Variants in ADK observed in about 807,000 individuals in gnomAD.
The protein encoded by ADK is adenosine kinase.
A neutral mutation model predicts 44.7 loss-of-function variants in ADK; 24 were observed. The observed-to-expected ratio is 0.54, with a 90% confidence interval of 0.39 to 0.76. The LOEUF (loss-of-function observed/expected upper bound fraction) is 0.76. Among genes scored for constraint, ADK ranks in the 30% least tolerant of loss-of-function variants. The pLI is 0.00. For synonymous variants in ADK, 128 were observed against 142.6 expected (o/e 0.90, Z 0.73); for missense variants, 321 against 425.1 (o/e 0.76, Z 2.15).
At chr10:74,574,822 C>G (rs147883841) in intron 7 of ADK, among the ~76,000 whole-genome samples, 1 of 152,196 alleles carries the variant, frequency 6.6e-6, no homozygotes, top group Non-Finnish European at 1.5e-5. Context: ...ACTGTTAATG[C>G]ATATGAGTAG....
intron 7 of ADK, chr10:74,527,750 C>T: frequency 7.0e-6 from 11 of 1,560,968 alleles, no homozygotes; most frequent in Non-Finnish European, 9.7e-6. Flanking sequence ...GTTGTTTCCT[C>T]CACTCCCAGA....
At chr10:74,462,995 C>T (rs567123056) in intron 6 of ADK, among the ~76,000 whole-genome samples, 17 of 152,162 alleles carry the variant, frequency 1.1e-4, no homozygotes, top group African/African-American at 3.9e-4. Context: ...GGAATTCCAA[C>T]ATTGTGATGA....
At chr10:74,411,796 G>A (rs1844186764) in intron 6 of ADK, among the ~76,000 whole-genome samples, 1 of 152,170 alleles carries the variant, frequency 6.6e-6, no homozygotes, top group African/African-American at 2.4e-5. Flanking sequence ...ACCTACAGTA[G>A]AACTTCTTTG....
At chr10:74,254,839 T>G (rs987731699) in intron 3 of ADK, among the ~76,000 whole-genome samples, 2 of 152,230 alleles carry the variant, frequency 1.3e-5, no homozygotes, top group African/African-American at 4.8e-5. Context: ...CCAAGTGTGA[T>G]ACCTTCCTTT....
At chr10:74,352,314 A>G (rs888625816) in intron 4 of ADK, among the ~76,000 whole-genome samples, 4 of 152,228 alleles carry the variant, frequency 2.6e-5, no homozygotes, top group African/African-American at 9.6e-5. Context: ...GACAAAAACA[A>G]GCAATGGGGA....
intron 6 of ADK, among the ~76,000 whole-genome samples, chr10:74,482,292 G>A (rs1472554609): frequency 6.6e-6 from 1 of 152,102 alleles, no homozygotes; most frequent in Admixed American, 6.5e-5. Context: ...TGAGACAAGG[G>A]GGAGACGCTA....
At position 74,606,034 on chromosome 10, in the gene ADK, A is replaced by G. The variant is rs1852312720; in HGVS notation, c.877+5541A>G. Among the ~76,000 whole-genome samples the G allele has an allele frequency of 2.0e-5, 3 of 152,036 alleles. No individual in the cohort carries two copies. In the South Asian group the frequency reaches 6.2e-4, roughly 32 times the overall value. ...GATTTTCTAGTTTATTTGTGTAGAG[A>G]TGTTTATAATATCCACTGATGGTAG... On this transcript the variant is annotated intron_variant, in intron 9 of 10. Transcript: ENST00000539909.
chr10:74,443,061 A>G (rs1293449725), intron 6 of ADK, among the ~76,000 whole-genome samples: 1 of 152,192 alleles, frequency 6.6e-6, no homozygotes, highest in East Asian at 1.9e-4. Context: ...ACTTTTAGTT[A>G]TAGGATGAAT....
chr10:74,553,801 G>A (rs985180756), intron 7 of ADK, among the ~76,000 whole-genome samples: 17 of 152,112 alleles, frequency 1.1e-4, no homozygotes, highest in East Asian at 3.9e-4. Context: ...TCCGTACATC[G>A]TATTTTATGT....
At chr10:74,444,583 G>GGGAGT (rs1390147095) in intron 6 of ADK, among the ~76,000 whole-genome samples, 1 of 151,952 alleles carries the variant, frequency 6.6e-6, no homozygotes, top group African/African-American at 2.4e-5. Flanking sequence ...AAGGGGTTGG[G>GGGAGT]GGAGTATACT....
chr10:74,166,495 T>C (rs1842037432), intron 1 of ADK, among the ~76,000 whole-genome samples: 1 of 152,026 alleles, frequency 6.6e-6, no homozygotes, highest in South Asian at 2.1e-4. Flanking sequence ...AATTTTGGTA[T>C]TTTTTGTAGA....
intron 6 of ADK, among the ~76,000 whole-genome samples, chr10:74,446,327 G>A (rs111321065): frequency 6.6e-6 from 1 of 152,040 alleles, no homozygotes; most frequent in African/African-American, 2.4e-5. Context: ...ATTTCCAAGA[G>A]GGAGATATGA....
intron 3 of ADK, among the ~76,000 whole-genome samples, chr10:74,265,788 T>G (rs1360973615): frequency 6.6e-6 from 1 of 152,208 alleles, no homozygotes; most frequent in Admixed American, 6.5e-5. Flanking sequence ...ATGAAAATAT[T>G]TTTTTAAAAA....
intron 1 of ADK, among the ~76,000 whole-genome samples, chr10:74,160,373 A>G (rs904303606): frequency 6.6e-6 from 1 of 152,242 alleles, no homozygotes; most frequent in African/African-American, 2.4e-5. Flanking sequence ...TGACCACAGA[A>G]CTGCTTCTGA....
chr10:74,541,481 A>C (rs1402469917), intron 7 of ADK, among the ~76,000 whole-genome samples: 1 of 152,122 alleles, frequency 6.6e-6, no homozygotes, highest in East Asian at 1.9e-4. Context: ...ATGGTTCTTC[A>C]GTCTTTGTCT....
At chr10:74,581,410 G>A (rs1013730393) in intron 7 of ADK, among the ~76,000 whole-genome samples, 1 of 152,026 alleles carries the variant, frequency 6.6e-6, no homozygotes, top group Non-Finnish European at 1.5e-5. Context: ...AAAAAGACTG[G>A]AAAAACAAGC....
intron 2 of ADK, among the ~76,000 whole-genome samples, chr10:74,215,382 T>G (rs1843972826): frequency 6.6e-6 from 1 of 152,178 alleles, no homozygotes; most frequent in South Asian, 2.1e-4. Flanking sequence ...CAATCTTGGC[T>G]CACTTACAAC....
intron 6 of ADK, among the ~76,000 whole-genome samples, chr10:74,523,039 G>A (rs1848901960): frequency 6.6e-6 from 1 of 152,062 alleles, no homozygotes; most frequent in South Asian, 2.1e-4. Context: ...AACATATCTG[G>A]AGTCATATGA....
At chr10:74,360,716 T>A (rs918719392) in intron 4 of ADK, among the ~76,000 whole-genome samples, 3 of 152,218 alleles carry the variant, frequency 2.0e-5, no homozygotes, top group African/African-American at 7.2e-5. Context: ...TTTTTACAGT[T>A]TTTGACTTAA....
Sources: gnomAD v4.1 joint callset for allele counts (sites outside exome capture counted in the v4.1 genomes callset) on GRCh38, gnomAD v4.1.1 for gene constraint, MANE v1.5 for transcripts, NCBI Gene and HGNC (gene_info 2026-07-23, HGNC 2026-07-21) for gene names.